RIMS2: variants seen among roughly 807,000 people sequenced by gnomAD.
RIMS2 encodes regulating synaptic membrane exocytosis 2, also known as regulating synaptic membrane exocytosis protein 2.
RIMS2 carries 59 observed loss-of-function variants against 174.4 expected under a neutral mutation model. The observed-to-expected ratio is 0.34, with a 90% CI of 0.27 to 0.42. The LOEUF (loss-of-function observed/expected upper bound fraction) is 0.42, where lower values mean the gene tolerates loss of function less well. Ranked by LOEUF, RIMS2 falls within the 10% of genes least tolerant of loss-of-function variation. The probability of loss-of-function intolerance (pLI) is 1.00; values close to 1 mark genes in which losing one functional copy is unlikely to be tolerated. For synonymous variants in RIMS2, 606 were observed against 572.5 expected (o/e 1.06, Z -0.84); for missense variants, 1,620 against 1,666.3 (o/e 0.97, Z 0.48).
At chr8:104,104,871 C>A (rs1466563050) in intron 19 of RIMS2, among the ~76,000 whole-genome samples, 2 of 146,196 alleles carry the variant, frequency 1.4e-5, no homozygotes, top group South Asian at 2.3e-4. Context: ...CAGAGTGAGA[C>A]CCTGTCTCAA....
intron 19 of RIMS2, among the ~76,000 whole-genome samples, chr8:104,086,350 TA>T (rs1277173038): frequency 6.7e-6 from 1 of 149,564 alleles, no homozygotes; most frequent in African/African-American, 2.5e-5. Context: ...AAGAACATGG[TA>T]AATTCATTTG....
At chr8:103,546,494 A>G (rs1275519415) in intron 1 of RIMS2, among the ~76,000 whole-genome samples, 3 of 152,174 alleles carry the variant, frequency 2.0e-5, no homozygotes, top group Admixed American at 1.3e-4. Context: ...GCTAACAAAG[A>G]TATTTGTGAC....
At chr8:104,249,197 T>C (rs565689617) in intron 21 of RIMS2, among the ~76,000 whole-genome samples, 4 of 152,018 alleles carry the variant, frequency 2.6e-5, no homozygotes, top group African/African-American at 9.6e-5. Flanking sequence ...CCTCCCAAAG[T>C]GCTGGGATTA....
chr8:104,015,762 G>A (rs2095883918), intron 19 of RIMS2, among the ~76,000 whole-genome samples: 1 of 152,006 alleles, frequency 6.6e-6, no homozygotes. Flanking sequence ...TAGATTTCGA[G>A]TAAGACTTTA....
intron 3 of RIMS2, among the ~76,000 whole-genome samples, chr8:103,878,884 T>C (rs2099154582): frequency 6.8e-6 from 1 of 147,590 alleles, no homozygotes; most frequent in South Asian, 2.1e-4. Context: ...AGCATCTGAT[T>C]CACAGAATCT....
intron 3 of RIMS2, among the ~76,000 whole-genome samples, chr8:103,794,260 G>T (rs924883064): frequency 1.3e-5 from 2 of 152,024 alleles, no homozygotes; most frequent in African/African-American, 4.8e-5. Flanking sequence ...ACAGAACAGA[G>T]CCCTCAGAAA....
At chr8:103,647,593 A>T (rs2096365273) in intron 1 of RIMS2, among the ~76,000 whole-genome samples, 1 of 152,118 alleles carries the variant, frequency 6.6e-6, no homozygotes, top group Non-Finnish European at 1.5e-5. Context: ...TACTGCCTGA[A>T]TTTCAGAACT....
At chr8:103,730,663 T>G (rs1421715614) in intron 2 of RIMS2, among the ~76,000 whole-genome samples, 1 of 152,214 alleles carries the variant, frequency 6.6e-6, no homozygotes, top group Non-Finnish European at 1.5e-5. Context: ...TTCTATGTAG[T>G]TACCATTAGC....
exon 3 of RIMS2, chr8:103,766,399 C>G (rs61729653): frequency 1.2e-6 from 2 of 1,613,784 alleles, no homozygotes; most frequent in Non-Finnish European, 1.7e-6. Context: ...CATGAGCAGA[C>G]CCAGTTCCAA....
At chr8:103,986,076 G>A (rs2094338662) in intron 16 of RIMS2, among the ~76,000 whole-genome samples, 1 of 152,114 alleles carries the variant, frequency 6.6e-6, no homozygotes, top group Non-Finnish European at 1.5e-5. Flanking sequence ...ATTTCTGAGA[G>A]GGTAGATTTA....
exon 4 of RIMS2, chr8:103,885,764 G>C (rs188155434): frequency 6.2e-7 from 1 of 1,612,938 alleles, no homozygotes; most frequent in Non-Finnish European, 8.5e-7. Flanking sequence ...GCTAAGGATG[G>C]ATCGACCATC....
intron 19 of RIMS2, among the ~76,000 whole-genome samples, chr8:104,152,491 A>G (rs1293637967): frequency 6.6e-6 from 1 of 152,134 alleles, no homozygotes; most frequent in East Asian, 1.9e-4. Context: ...ATTTGTGTGC[A>G]TATGTATATG....
At chr8:103,840,455 G>A (rs906915922) in intron 3 of RIMS2, among the ~76,000 whole-genome samples, 2 of 148,862 alleles carry the variant, frequency 1.3e-5, no homozygotes, top group Admixed American at 6.6e-5. Context: ...TATTTTGACT[G>A]CTGTATAATA....
At chr8:104,025,863 T>A (rs912672826) in intron 19 of RIMS2, among the ~76,000 whole-genome samples, 1 of 152,176 alleles carries the variant, frequency 6.6e-6, no homozygotes, top group Non-Finnish European at 1.5e-5. Context: ...CATATATACT[T>A]ATTGTGTTGT....
chr8:104,065,887 T>A (rs988160757), intron 19 of RIMS2, among the ~76,000 whole-genome samples: 2 of 152,188 alleles, frequency 1.3e-5, no homozygotes, highest in Non-Finnish European at 2.9e-5. Context: ...TATTTGCATC[T>A]TGCTTTGTTT....
chr8:103,912,970 G>GTTTTTTTTTTTTTTTTTTTTTTTTTT lies in RIMS2; in HGVS notation c.1812+818_1812+819insTTTTTTTTTTTTTTTTTTTTTTTTTT, dbSNP rs1272975359. Among the ~76,000 whole-genome samples, 2 of 114,906 alleles carry GTTTTTTTTTTTTTTTTTTTTTTTTTT rather than the reference G, an allele frequency of 1.7e-5. 1 individual carries two copies. Among genetic ancestry groups the GTTTTTTTTTTTTTTTTTTTTTTTTTT allele is most frequent in the Non-Finnish European group, 3.5e-5 (2 of 56,534 alleles). 75.4% of individuals were successfully genotyped at this position (114,906 alleles called of 152,430 possible). A position where few individuals can be genotyped will look rare whatever the true frequency, so the allele number is the denominator to read the frequency against. On this transcript the variant is annotated intron_variant, in intron 6 of 23. Coordinates refer to ENST00000504942, the Ensembl canonical transcript of RIMS2. ...CTGTCTCTAGCAAACTTTTTTTGTT[G>GTTTTTTTTTTTTTTTTTTTTTTTTTT]TTTTTTTTTTTTTTTTTTTTGAGAT...
chr8:103,675,284 G>T (rs1020193047), intron 1 of RIMS2, among the ~76,000 whole-genome samples: 1 of 152,194 alleles, frequency 6.6e-6, no homozygotes, highest in African/African-American at 2.4e-5. Context: ...TAGCCACATG[G>T]CATCCTGGAT....
At chr8:103,575,944 C>G (rs1375336025) in intron 1 of RIMS2, among the ~76,000 whole-genome samples, 1 of 152,098 alleles carries the variant, frequency 6.6e-6, no homozygotes, top group Non-Finnish European at 1.5e-5. Context: ...AACTTCAGTT[C>G]CCTAGCAGGA....
chr8:103,806,297 A>G (rs2098649478), intron 3 of RIMS2, among the ~76,000 whole-genome samples: 1 of 152,088 alleles, frequency 6.6e-6, no homozygotes, highest in Admixed American at 6.6e-5. Context: ...TGTTCTTTTT[A>G]TCTGTATTTT....
Sources: gnomAD v4.1 joint callset for allele counts (sites outside exome capture counted in the v4.1 genomes callset) on GRCh38, gnomAD v4.1.1 for gene constraint, MANE v1.5 for transcripts, NCBI Gene and HGNC (gene_info 2026-07-23, HGNC 2026-07-21) for gene names.